Variants in VAPA observed in about 807,000 individuals in gnomAD.
VAPA encodes vesicle-associated membrane protein-associated protein A.
A neutral mutation model predicts 25.6 loss-of-function variants in VAPA; 6 were observed. That is an observed-to-expected ratio of 0.23 (90% CI 0.13 to 0.46). The LOEUF is 0.46. VAPA is among the 20% of genes least tolerant of loss of function. The probability of loss-of-function intolerance (pLI) is 0.99; values close to 1 mark genes in which losing one functional copy is unlikely to be tolerated. For missense variants in VAPA, 244 were observed against 302.1 expected (o/e 0.81, Z 1.43); for synonymous variants, 112 against 106.2 (o/e 1.05, Z -0.34).
rs796346794 is a variant in VAPA at position 9,950,307 on chromosome 18, C to T, written c.418-88C>T. ...GGCCTTTTAAAGAGTTTTTCATGAA[C>T]AAAGATGTAGAATTTATATTGTTAT... On this transcript the variant is annotated intron_variant, in intron 4 of 5. Coordinates refer to ENST00000400000, the MANE Select transcript of VAPA (RefSeq NM_194434.3). 4.9e-6 allele frequency: 7 copies of T among 1,441,068 alleles called. No individual in the cohort carries two copies. In the African/African-American group the frequency reaches 8.7e-5, roughly 18 times the overall value. The allele number at this position is 1,441,068 out of a possible 1,614,324, so 89.3% of individuals were successfully genotyped here.
chr18:9,929,594 G>T (rs1446081860), intron 1 of VAPA, among the ~76,000 whole-genome samples: 5 of 152,146 alleles, frequency 3.3e-5, no homozygotes, highest in African/African-American at 9.7e-5. Context: ...GTTCTTAAAG[G>T]ATTCTGTGAC....
Position 9,955,053 on chromosome 18 carries a change from A to C in VAPA, c.*842A>C, listed in dbSNP as rs996422662. The C allele has an allele frequency of 1.3e-5, 2 of 152,254 alleles. No individual in the cohort carries two copies. The highest frequency in any genetic ancestry group is 2.9e-5 in the Non-Finnish European group (2 of 68,036). The allele number at this position is 152,254 out of a possible 1,614,324, so 9.4% of individuals were successfully genotyped here. ...TTCAAGATAATAGAAAATAAGGTCC[A>C]TGAGAATAGAAGTTATGTGATTTCA... On this transcript the variant is annotated 3_prime_UTR_variant, in exon 6 of 6. Coordinates refer to ENST00000400000, the MANE Select transcript of VAPA (RefSeq NM_194434.3).
chr18:9,943,281 G>C (rs1478283983), intron 4 of VAPA, among the ~76,000 whole-genome samples: 1 of 152,134 alleles, frequency 6.6e-6, no homozygotes, highest in Non-Finnish European at 1.5e-5. Flanking sequence ...TTGGGAAATA[G>C]CTTTCTGATT....
Position 9,958,258 on chromosome 18 carries a change from T to G in VAPA, c.*4047T>G, listed in dbSNP as rs982097354. 5 of 152,256 alleles carry G rather than the reference T, an allele frequency of 3.3e-5. No individual in the cohort carries two copies. Among genetic ancestry groups the G allele is most frequent in the African/African-American group, 1.2e-4 (5 of 41,474 alleles). 9.4% of individuals were successfully genotyped at this position (152,256 alleles called of 1,614,324 possible). The stretch of plus-strand genomic sequence containing the variant: ...GTGACTAAAAGCATTTTGCTTTGTT[T>G]TTATAGTTAACTTTCTTAAGGTTAT... On this transcript the variant is annotated 3_prime_UTR_variant, in exon 6 of 6. Coordinates refer to ENST00000400000, the MANE Select transcript of VAPA (RefSeq NM_194434.3).
chr18:9,919,359 A>T (rs1302808783), intron 1 of VAPA, among the ~76,000 whole-genome samples: 1 of 152,230 alleles, frequency 6.6e-6, no homozygotes, highest in East Asian at 1.9e-4. Flanking sequence ...ATTTGATTAG[A>T]TTTGAGTATC....
At chr18:9,922,540 T>G (rs2069165934) in intron 1 of VAPA, among the ~76,000 whole-genome samples, 1 of 152,084 alleles carries the variant, frequency 6.6e-6, no homozygotes, top group Non-Finnish European at 1.5e-5. Flanking sequence ...CTGTTTATAA[T>G]CTAGATTCAA....
Position 9,942,949 on chromosome 18 carries a change from TGCGTATA to T in VAPA, c.417+5884_417+5890del, listed in dbSNP as rs1190483508. The stretch of plus-strand genomic sequence containing the variant: ...TCCAAACCATATCAAGTATGTTGTA[TGCGTATA>T]CCCCACTTGTGTGAGGATTTTGATC... On this transcript the variant is annotated intron_variant, in intron 4 of 5. Transcript: ENST00000400000. 6.6e-5 allele frequency among the ~76,000 whole-genome samples: 10 copies of T among 152,318 alleles called. No homozygotes were observed. The East Asian group carries it at 1.9e-3, about 29-fold the overall frequency.
chr18:9,944,758 T>C (rs371551957), intron 4 of VAPA, among the ~76,000 whole-genome samples: 1 of 152,276 alleles, frequency 6.6e-6, no homozygotes, highest in South Asian at 2.1e-4. Flanking sequence ...AAACTACTTT[T>C]GCTTTAACAT....
Position 9,914,175 on chromosome 18 carries a change from C to T in VAPA, c.-82C>T, listed in dbSNP as rs1398456484. 1 of 1,310,066 alleles carries T rather than the reference C, an allele frequency of 7.6e-7. No homozygotes were observed. Among genetic ancestry groups the T allele is most frequent in the Non-Finnish European group, 1.0e-6 (1 of 955,334 alleles). The allele number at this position is 1,310,066 out of a possible 1,614,324, so 81.2% of individuals were successfully genotyped here. On this transcript the variant is annotated 5_prime_UTR_variant, in exon 1 of 6. Transcript: ENST00000400000. ...GCCTGGCCTCGTCCTAGAGCTCGGCCGAGCCGTCGCCGCCGTCGTCCCCCG... is the reference window on the plus strand; with the variant it reads ...GCCTGGCCTCGTCCTAGAGCTCGGCTGAGCCGTCGCCGCCGTCGTCCCCCG...
intron 4 of VAPA, among the ~76,000 whole-genome samples, chr18:9,945,225 T>C (rs115396161): frequency 6.6e-6 from 1 of 152,126 alleles, no homozygotes; most frequent in Admixed American, 6.5e-5. Flanking sequence ...AAATCATGCA[T>C]ACAAACTATT....
chr18:9,914,065 G>C lies in VAPA; in HGVS notation c.-192G>C. ...TGGCGGCTGGTGTGGGGTTGAGTCAGTTGTGGGACCCGGAGCTGCTGACCC... is the reference window on the plus strand; with the variant it reads ...TGGCGGCTGGTGTGGGGTTGAGTCACTTGTGGGACCCGGAGCTGCTGACCC... On this transcript the variant is annotated 5_prime_UTR_variant, in exon 1 of 6. Transcript: ENST00000400000. The C allele has an allele frequency of 1.9e-6, 1 of 522,884 alleles. No individual in the cohort carries two copies. The highest frequency in any genetic ancestry group is 2.0e-5 in the African/African-American group (1 of 48,798). The allele number at this position is 522,884 out of a possible 1,614,324, so 32.4% of individuals were successfully genotyped here.
intron 2 of VAPA, 88 bp from the exon 3 acceptor site, chr18:9,936,022 C>A: frequency 1.1e-6 from 1 of 900,416 alleles, no homozygotes; most frequent in Non-Finnish European, 1.6e-6. Flanking sequence ...AAATCCCAGA[C>A]TTAGTATAAT....
rs1041371359 is a variant in VAPA, at chr18:9,954,990, G to A, written c.*779G>A. 1 of 152,084 alleles carries A rather than the reference G, an allele frequency of 6.6e-6. No homozygotes were observed. The highest frequency in any genetic ancestry group is 6.5e-5 in the Admixed American group (1 of 15,274). The allele number at this position is 152,084 out of a possible 1,614,324, so 9.4% of individuals were successfully genotyped here. On this transcript the variant is annotated 3_prime_UTR_variant, in exon 6 of 6. Coordinates refer to ENST00000400000, the MANE Select transcript of VAPA (RefSeq NM_194434.3). ...GGAAAGGAGTTGATTAAATTTTAAG[G>A]TACCACTGGTATTTTGGGAGATTAT...
chr18:9,919,488 A>G (rs974104607), intron 1 of VAPA, among the ~76,000 whole-genome samples: 9 of 152,234 alleles, frequency 5.9e-5, no homozygotes, highest in African/African-American at 2.2e-4. Flanking sequence ...TAATCAGAAG[A>G]ATAAAGTGTA....
chr18:9,931,045 G>A (rs899713745), intron 1 of VAPA, among the ~76,000 whole-genome samples: 6 of 151,916 alleles, frequency 3.9e-5, no homozygotes, highest in Non-Finnish European at 5.9e-5. Flanking sequence ...AACTTTAAAC[G>A]AATTGTTTTT....
At chr18:9,934,519 G>A (rs29155) in intron 2 of VAPA, among the ~76,000 whole-genome samples, 1 of 152,174 alleles carries the variant, frequency 6.6e-6, no homozygotes, top group Non-Finnish European at 1.5e-5. Context: ...TGAAAAAGTT[G>A]TCTTAACCTT....
At chr18:9,924,939 C>T (rs1399470762) in intron 1 of VAPA, 1 of 151,878 alleles carries the variant, frequency 6.6e-6, no homozygotes, top group East Asian at 1.9e-4. Flanking sequence ...TGAGCATCTC[C>T]CTTGCCCCAG....
intron 4 of VAPA, among the ~76,000 whole-genome samples, chr18:9,943,885 G>A (rs1407614873): frequency 2.8e-5 from 2 of 72,408 alleles, no homozygotes; most frequent in Non-Finnish European, 5.1e-5. Flanking sequence ...TTTTGAGACA[G>A]TGTCTCGCTC....
chr18:9,942,475 C>T (rs2069376070), intron 4 of VAPA, among the ~76,000 whole-genome samples: 1 of 152,262 alleles, frequency 6.6e-6, no homozygotes, highest in East Asian at 1.9e-4. Context: ...TCCCCAGCCC[C>T]CCCTTCCTGT....
Sources: gnomAD v4.1 joint callset for allele counts (sites outside exome capture counted in the v4.1 genomes callset) on GRCh38, gnomAD v4.1.1 for gene constraint, MANE v1.5 for transcripts, NCBI Gene and HGNC (gene_info 2026-07-23, HGNC 2026-07-21) for gene names.